Variants in CSNK1G2 observed in about 807,000 individuals in gnomAD.
CSNK1G2 encodes casein kinase I isoform gamma-2.
Under a neutral mutation model 48.0 loss-of-function variants are expected in CSNK1G2, and 11 were observed. The ratio of observed to expected loss-of-function variants is 0.23; its 90% CI spans 0.14 to 0.38. CSNK1G2 has a LOEUF of 0.38. Ranked by LOEUF, CSNK1G2 falls within the 10% of genes least tolerant of loss-of-function variation. The pLI is 1.00. For missense variants in CSNK1G2, 446 were observed against 595.5 expected, an observed-to-expected ratio of 0.75 and a Z score of 2.61; for synonymous variants, 337 against 254.1, an observed-to-expected ratio of 1.33 and a Z score of -3.10.
At chr19:1,943,189 G>A (rs980212055) in intron 1 of CSNK1G2, among the ~76,000 whole-genome samples, 1 of 152,326 alleles carries the variant, frequency 6.6e-6, no homozygotes, top group African/African-American at 2.4e-5. Context: ...CCTTCACCCC[G>A]GTGGGAGGCG....
chr19:1,975,304 G>A (rs1275355374), intron 2 of CSNK1G2: 1 of 985,392 alleles, frequency 1.0e-6, no homozygotes, highest in Non-Finnish European at 1.2e-6. Flanking sequence ...GTAGCACACA[G>A]GCGAGGGCTT....
intron 2 of CSNK1G2, among the ~76,000 whole-genome samples, chr19:1,972,524 C>T (rs2015607362): frequency 6.6e-6 from 1 of 152,212 alleles, no homozygotes; most frequent in Admixed American, 6.5e-5. Flanking sequence ...GATCCACTGA[C>T]TTCTTGGATC....
Position 1,978,930 on chromosome 19 carries a change from G to T in CSNK1G2, c.519G>T (p.Val173=), listed in dbSNP as rs2015865036. The change falls in exon 6 of 12, where the codon GTG becomes GTT. Residue 173 remains valine (V), a synonymous_variant. Transcript: ENST00000255641. This position sits in a 1 kb window ranked among gnomAD's most constrained non-coding sequence, Gnocchi z 7.3. Reference sequence around the variant, plus strand: ...ACGTGAAGCCCGAGAACTTCCTGGTGGGCCGCCCGGGGACCAAGCGGCAGC... The same window carrying T: ...ACGTGAAGCCCGAGAACTTCCTGGTTGGCCGCCCGGGGACCAAGCGGCAGC... The part of the protein sequence containing the change: ...YRDVKPENFL[V]GRPGTKRQHA... 6.2e-7 allele frequency: 1 copy of T among 1,602,134 alleles called. No homozygotes were observed. Among genetic ancestry groups the T allele is most frequent in the African/African-American group, 1.3e-5 (1 of 74,992 alleles).
Position 1,959,773 on chromosome 19 carries a change from G to T in CSNK1G2, c.-265-9735G>T, listed in dbSNP as rs552123381. On this transcript the variant is annotated intron_variant, in intron 1 of 11. Transcript: ENST00000255641. ...TGCCACCGTGGGTCCCCCAGCACCC[G>T]TCCCACCTTTAGTGCCACCCTGGGT... Among the ~76,000 whole-genome samples, 3 of 108,118 alleles carry T rather than the reference G, an allele frequency of 2.8e-5. 1 individual carries two copies. The East Asian group carries it at 8.6e-4, about 31-fold the overall frequency. 70.9% of individuals were successfully genotyped at this position (108,118 alleles called of 152,430 possible).
chr19:1,953,024 A>C (rs1241941025), intron 1 of CSNK1G2: 1 of 407,174 alleles, frequency 2.5e-6, no homozygotes, highest in East Asian at 9.7e-5. Flanking sequence ...GAAAAAAAAA[A>C]CAAAGGAAAT....
At chr19:1,943,963 C>T (rs184823161) in intron 1 of CSNK1G2, among the ~76,000 whole-genome samples, 2 of 152,266 alleles carry the variant, frequency 1.3e-5, no homozygotes, top group Non-Finnish European at 2.9e-5. Flanking sequence ...GGGCTGCGGG[C>T]CTCGGGTGGC....
chr19:1,943,723 G>GA (rs1168676623), intron 1 of CSNK1G2, among the ~76,000 whole-genome samples: 2 of 152,194 alleles, frequency 1.3e-5, no homozygotes, highest in African/African-American at 4.8e-5. Flanking sequence ...GGGACGGACG[G>GA]AAGCTGAGCT....
At chr19:1,944,210 G>GGATCTGCA (rs1404294728) in intron 1 of CSNK1G2, among the ~76,000 whole-genome samples, 19 of 152,224 alleles carry the variant, frequency 1.2e-4, no homozygotes, top group Non-Finnish European at 2.2e-4. Context: ...CCCATCCCGC[G>GGATCTGCA]GATCTGCAGA....
At chr19:1,969,187 C>G (rs2015479427) in intron 1 of CSNK1G2, among the ~76,000 whole-genome samples, 2 of 152,134 alleles carry the variant, frequency 1.3e-5, no homozygotes, top group Non-Finnish European at 2.9e-5. Flanking sequence ...CCGGGATTGG[C>G]AGTCATGCTC....
chr19:1,949,525 G>C (rs1268896965), intron 1 of CSNK1G2, among the ~76,000 whole-genome samples: 1 of 152,220 alleles, frequency 6.6e-6, no homozygotes, highest in African/African-American at 2.4e-5. Context: ...GGGTGGCCAC[G>C]TGTTTATTTC....
intron 1 of CSNK1G2, among the ~76,000 whole-genome samples, chr19:1,951,973 C>T (rs2014780315): frequency 6.6e-6 from 1 of 152,194 alleles, no homozygotes; most frequent in South Asian, 2.1e-4. Flanking sequence ...AGCCACCGGG[C>T]CCGGCCATTC....
intron 1 of CSNK1G2, among the ~76,000 whole-genome samples, chr19:1,967,090 C>T (rs1164921748): frequency 6.6e-6 from 1 of 152,094 alleles, no homozygotes; most frequent in South Asian, 2.1e-4. Flanking sequence ...TCCTAGACCA[C>T]GGTATACTGT....
intron 1 of CSNK1G2, among the ~76,000 whole-genome samples, chr19:1,941,676 C>T (rs2014367477): frequency 6.7e-6 from 1 of 149,812 alleles, no homozygotes; most frequent in Non-Finnish European, 1.5e-5. Context: ...CCGCCCTAAC[C>T]CGCGCTCAGG....
At chr19:1,964,372 G>C (rs1296274897) in intron 1 of CSNK1G2, among the ~76,000 whole-genome samples, 2 of 152,018 alleles carry the variant, frequency 1.3e-5, no homozygotes, top group East Asian at 1.9e-4. Flanking sequence ...GCATTCAGAC[G>C]ATCTAGCCAA....
intron 1 of CSNK1G2, among the ~76,000 whole-genome samples, chr19:1,955,556 C>T (rs1346918734): frequency 3.4e-5 from 5 of 147,024 alleles, no homozygotes; most frequent in African/African-American, 5.4e-5. Flanking sequence ...GGCGAGGCTC[C>T]GCGAGTCGGG....
intron 1 of CSNK1G2, among the ~76,000 whole-genome samples, chr19:1,959,583 G>T (rs1348764108): frequency 8.7e-6 from 1 of 114,674 alleles, no homozygotes; most frequent in Non-Finnish European, 1.7e-5. Flanking sequence ...CCCAGCACCC[G>T]TCCCACCTTT....
chr19:1,979,090 A>G lies in CSNK1G2; in HGVS notation c.679A>G (p.Lys227Glu). Residue 227 changes from lysine (K) to glutamate (E), a missense_variant, in exon 6 of 12, where the codon AAG becomes GAG. This residue lies in a region of CSNK1G2 where 258 missense variants were observed against 415.9 expected (regional missense o/e 0.62). Transcript: ENST00000255641. ...CATGAGCATCAACACGCACCTGGGC[A>G]AGGGTGAGCTGCGCGCGCGCGGCGG... Reference protein sequence around the residue: ...RYMSINTHLGKEQSRRDDLEA... With the variant: ...RYMSINTHLGEEQSRRDDLEA... 6.3e-7 allele frequency: 1 copy of G among 1,597,894 alleles called. No homozygotes were observed. The highest frequency in any genetic ancestry group is 8.5e-7 in the Non-Finnish European group (1 of 1,177,846).
chr19:1,955,139 C>T (rs1303856318), intron 1 of CSNK1G2, among the ~76,000 whole-genome samples: 4 of 152,128 alleles, frequency 2.6e-5, no homozygotes, highest in Non-Finnish European at 5.9e-5. Flanking sequence ...GGGCCCTGAC[C>T]GAGTGGTGAC....
Position 1,980,348 on chromosome 19 carries a change from G to A in CSNK1G2, c.*145G>A. On this transcript the variant is annotated 3_prime_UTR_variant, in exon 12 of 12. Coordinates refer to ENST00000255641, the MANE Select transcript of CSNK1G2 (RefSeq NM_001319.7). ...ACGCAGACTGCAGGGGCCGCGCCTGGCTCAGGCGGCCCCACCCCCGGGACG... is the reference window on the plus strand; with the variant it reads ...ACGCAGACTGCAGGGGCCGCGCCTGACTCAGGCGGCCCCACCCCCGGGACG... The A allele has an allele frequency of 2.0e-6, 2 of 1,000,454 alleles. No homozygotes were observed. Among genetic ancestry groups the A allele is most frequent in the Non-Finnish European group, 3.0e-6 (2 of 657,110 alleles). 62.0% of individuals were successfully genotyped at this position (1,000,454 alleles called of 1,614,324 possible).
Sources: allele counts gnomAD v4.1 joint callset (sites outside exome capture counted in the v4.1 genomes callset), GRCh38; gene constraint gnomAD v4.1.1; regional missense constraint gnomAD v4.1.1; non-coding constraint Gnocchi (gnomAD v3.1); transcripts MANE v1.5; gene names NCBI Gene and HGNC (gene_info 2026-07-23, HGNC 2026-07-21).